PHTF2: variants seen among roughly 807,000 people sequenced by gnomAD.
PHTF2 encodes putative homeodomain transcription factor 2, also known as protein PHTF2.
PHTF2 carries 60 observed loss-of-function variants against 101.2 expected under a neutral mutation model. The observed-to-expected ratio is 0.59, with a 90% CI of 0.48 to 0.73. The LOEUF is 0.73. Among genes scored for constraint, PHTF2 ranks in the 30% least tolerant of loss-of-function variants. PHTF2 has a pLI of 0.00. For missense variants in PHTF2, 747 were observed against 908.7 expected (o/e 0.82, Z 2.29); for synonymous variants, 311 against 307.3 (o/e 1.01, Z -0.13).
intron 7 of PHTF2, among the ~76,000 whole-genome samples, chr7:77,904,989 A>AT (rs982844793): frequency 4.6e-5 from 7 of 152,100 alleles, no homozygotes; most frequent in East Asian, 3.9e-4. Flanking sequence ...ACCTTATGAG[A>AT]TTTTTTTTAA....
chr7:77,945,324 A>G (rs144376416), intron 16 of PHTF2, among the ~76,000 whole-genome samples: 2,994 of 152,310 alleles, frequency 0.02, 85 homozygotes, highest in African/African-American at 0.067. Flanking sequence ...GGCAACAGAA[A>G]GAGACTGTCT....
chr7:77,909,169 C>A, intron 8 of PHTF2: 2 of 317,404 alleles, frequency 6.3e-6, no homozygotes, highest in Non-Finnish European at 1.1e-5. Context: ...GTTTTTGTTT[C>A]TTTTTTTTTT....
chr7:77,921,985 G>T (rs1447779119), intron 10 of PHTF2, among the ~76,000 whole-genome samples: 1 of 144,582 alleles, frequency 6.9e-6, no homozygotes, highest in African/African-American at 2.6e-5. Flanking sequence ...CTTTTAAGTG[G>T]TCTCTGTTCT....
chr7:77,888,969 G>A (rs1235915792), intron 3 of PHTF2, among the ~76,000 whole-genome samples: 1 of 152,172 alleles, frequency 6.6e-6, no homozygotes, highest in Non-Finnish European at 1.5e-5. Context: ...GGAAATATCT[G>A]TTAGGGGTAA....
At chr7:77,909,083 C>T (rs1802124953) in intron 8 of PHTF2, 125 bp downstream of exon 7, 1 of 548,464 alleles carries the variant, frequency 1.8e-6, no homozygotes, top group Non-Finnish European at 3.0e-6. Context: ...CAAAAAAACA[C>T]TGAGCTTCAG....
chr7:77,917,788 T>TA (rs1175551060), intron 9 of PHTF2, among the ~76,000 whole-genome samples: 1 of 152,242 alleles, frequency 6.6e-6, no homozygotes, highest in African/African-American at 2.4e-5. Context: ...CATTACCAGC[T>TA]ACTGGCAGGC....
chr7:77,928,715 A>G (rs1438682617), intron 11 of PHTF2, among the ~76,000 whole-genome samples: 2 of 152,228 alleles, frequency 1.3e-5, no homozygotes, highest in Non-Finnish European at 2.9e-5. Context: ...TGTGGAATGC[A>G]TGGATATGGG....
intron 10 of PHTF2, among the ~76,000 whole-genome samples, chr7:77,922,372 A>T (rs1803559837): frequency 6.6e-6 from 1 of 152,132 alleles, no homozygotes; most frequent in African/African-American, 2.4e-5. Context: ...TCTGAACAGA[A>T]ATATTACAGG....
At chr7:77,838,364 G>A (rs1425797947) in intron 1 of PHTF2, among the ~76,000 whole-genome samples, 1 of 152,186 alleles carries the variant, frequency 6.6e-6, no homozygotes, top group Non-Finnish European at 1.5e-5. Flanking sequence ...AATAATCCAT[G>A]TGTATGTAAT....
chr7:77,799,532 C>A (rs1792361935), intron 1 of PHTF2, among the ~76,000 whole-genome samples: 1 of 152,290 alleles, frequency 6.6e-6, no homozygotes, highest in Admixed American at 6.5e-5. Context: ...CCCAACACGG[C>A]GGAGTGGGTG....
At chr7:77,858,392 T>A (rs956326272) in intron 3 of PHTF2, among the ~76,000 whole-genome samples, 1 of 152,164 alleles carries the variant, frequency 6.6e-6, no homozygotes, top group Non-Finnish European at 1.5e-5. Context: ...GTTATCTAGT[T>A]CCTGTTAAAC....
At chr7:77,941,073 G>C (rs1310791700) in intron 15 of PHTF2, among the ~76,000 whole-genome samples, 2 of 152,018 alleles carry the variant, frequency 1.3e-5, no homozygotes, top group African/African-American at 4.8e-5. Context: ...ATTACTTCTT[G>C]TTATTGCATT....
intron 1 of PHTF2, among the ~76,000 whole-genome samples, chr7:77,823,313 C>T (rs1160393339): frequency 5.9e-5 from 9 of 152,078 alleles, no homozygotes; most frequent in African/African-American, 1.4e-4. Flanking sequence ...CTCTGCCTCC[C>T]GGGTTCAAGG....
At position 77,889,164 on chromosome 7, in the gene PHTF2, C is replaced by T. The variant is rs962002058; in HGVS notation, c.148-4444C>T. Among the ~76,000 whole-genome samples the T allele has an allele frequency of 3.9e-5, 6 of 152,136 alleles. No homozygotes were observed. In the East Asian group the frequency reaches 1.2e-3, roughly 29 times the overall value. On this transcript the variant is annotated intron_variant, in intron 3 of 19. Transcript: ENST00000416283. ...CCTAAGTGTCACTTCTTTTCTTGCC[C>T]TATAATGATTGACAGTAGAATTATG... is the stretch of plus-strand genomic sequence containing the variant.
At position 77,917,389 on chromosome 7, in the gene PHTF2, G is replaced by A. The variant is rs117042867; in HGVS notation, c.777-2890G>A. On this transcript the variant is annotated intron_variant, in intron 9 of 19. Transcript: ENST00000416283. Reference sequence around the variant, plus strand: ...AAGATACACTTGTTGCGATTGGGGTGTTGTTAACCCCAGTCCTTTTCAGTG... The same window carrying A: ...AAGATACACTTGTTGCGATTGGGGTATTGTTAACCCCAGTCCTTTTCAGTG... Among the ~76,000 whole-genome samples, 1,129 of 152,286 alleles carry A rather than the reference G, an allele frequency of 7.4e-3. 18 individuals are homozygous for A. Among genetic ancestry groups the A allele is most frequent in the Non-Finnish European group, 8.1e-3 (554 of 68,020 alleles).
chr7:77,815,074 CAAAAATAAAA>C (rs1793751404), intron 1 of PHTF2, among the ~76,000 whole-genome samples: 1 of 150,042 alleles, frequency 6.7e-6, no homozygotes, highest in Admixed American at 6.7e-5. Context: ...CACTCTGTCT[CAAAAATAAAA>C]TAAAATAAAA....
intron 1 of PHTF2, among the ~76,000 whole-genome samples, chr7:77,838,710 A>G (rs1176147105): frequency 2.6e-5 from 4 of 152,198 alleles, no homozygotes; most frequent in Admixed American, 2.0e-4. Context: ...ATTCAATATT[A>G]CATAATAGAT....
chr7:77,946,640 C>G (rs1224208496), intron 16 of PHTF2, among the ~76,000 whole-genome samples: 1 of 152,014 alleles, frequency 6.6e-6, no homozygotes, highest in Non-Finnish European at 1.5e-5. Context: ...TGTAAAGGGC[C>G]AGATAAATAT....
intron 18 of PHTF2, among the ~76,000 whole-genome samples, chr7:77,952,324 A>T (rs902330640): frequency 5.9e-5 from 9 of 152,160 alleles, no homozygotes; most frequent in Admixed American, 2.0e-4. Flanking sequence ...TGTTAGAGTT[A>T]TTTATGTTTT....
Sources: gnomAD v4.1 joint callset for allele counts (sites outside exome capture counted in the v4.1 genomes callset) on GRCh38, gnomAD v4.1.1 for gene constraint, MANE v1.5 for transcripts, NCBI Gene and HGNC (gene_info 2026-07-23, HGNC 2026-07-21) for gene names.